The following PLCB3 variants were observed in gnomAD, a reference collection of about 807,000 sequenced individuals.
PLCB3 encodes 1-phosphatidylinositol 4,5-bisphosphate phosphodiesterase beta-3.
PLCB3 carries 54 observed loss-of-function variants against 152.1 expected under a neutral mutation model. The ratio of observed to expected loss-of-function variants is 0.36; its 90% CI spans 0.29 to 0.45. The LOEUF (loss-of-function observed/expected upper bound fraction) is 0.45. Ranked by LOEUF, PLCB3 falls within the 20% of genes least tolerant of loss-of-function variation. PLCB3 has a pLI of 1.00. For synonymous variants in PLCB3, 717 were observed against 698.7 expected, an observed-to-expected ratio of 1.03 and a Z score of -0.41; for missense variants, 1,248 against 1,687.5, an observed-to-expected ratio of 0.74 and a Z score of 4.56.
At chr11:64,259,340 C>T in intron 13 of PLCB3, 96 bp downstream of exon 13, 1 of 1,043,328 alleles carries the variant, frequency 9.6e-7, no homozygotes, top group Non-Finnish European at 1.3e-6. Context: ...CCCAGCCCAC[C>T]CTCCTGCCTC....
At chr11:64,254,681 A>G in intron 2 of PLCB3, 67 bp from the exon 3 acceptor site, 1 of 1,548,082 alleles carries the variant, frequency 6.5e-7, no homozygotes, top group Admixed American at 1.7e-5. Flanking sequence ...CTGGGTAGAG[A>G]GCTTGGAAGC....
Position 64,260,253 on chromosome 11 carries a change from G to T in PLCB3, c.1731+19G>T. On this transcript the variant is annotated intron_variant, in intron 14 of 30. Transcript: ENST00000279230. ...AGATGAGGTCAGGCCCACAGGGTGG[G>T]CAGGTCGGGGAGGTAGCATCTATTT... 2 of 1,537,152 alleles carry T rather than the reference G, an allele frequency of 1.3e-6. No individual in the cohort carries two copies. The highest frequency in any genetic ancestry group is 8.8e-7 in the Non-Finnish European group (1 of 1,137,720).
intron 20 of PLCB3, 39 bp downstream of exon 20, chr11:64,263,636 T>G (rs2031966280): frequency 2.5e-6 from 4 of 1,604,722 alleles, no homozygotes; most frequent in Non-Finnish European, 3.4e-6. Flanking sequence ...CAGCGGGCAG[T>G]GGGTAGGGCC....
chr11:64,262,955 T>C (rs2031929912), intron 19 of PLCB3, 147 bp downstream of exon 19: 2 of 762,606 alleles, frequency 2.6e-6, no homozygotes, highest in Admixed American at 2.4e-5. Context: ...AGGACCTGCC[T>C]GTCCGAGCGT....
chr11:64,254,561 G>T (rs1318726771), intron 2 of PLCB3, 69 bp downstream of exon 2: 2 of 1,495,876 alleles, frequency 1.3e-6, no homozygotes, highest in Non-Finnish European at 9.3e-7. Flanking sequence ...CCCTGCCCGT[G>T]GGGGTGGGGC....
chr11:64,256,549 T>G lies in PLCB3; in HGVS notation c.865+7T>G, dbSNP rs765263884. The G allele has an allele frequency of 6.2e-7, 1 of 1,613,480 alleles. No homozygotes were observed. Among genetic ancestry groups the G allele is most frequent in the African/African-American group, 1.3e-5 (1 of 74,928 alleles). On this transcript the variant is annotated splice_region_variant and intron_variant, in intron 9 of 30. Transcript: ENST00000279230. Reference sequence around the variant, plus strand: ...CAGCAGTTTCTGGAGCGAGGTGAGCTGGCTGGGGTGCAGGTGGGTGGGGGC... The same window carrying G: ...CAGCAGTTTCTGGAGCGAGGTGAGCGGGCTGGGGTGCAGGTGGGTGGGGGC...
intron 19 of PLCB3, 131 bp from the exon 20 acceptor site, chr11:64,263,367 G>C (rs1016344593): frequency 6.4e-6 from 4 of 622,584 alleles, no homozygotes; most frequent in African/African-American, 5.5e-5. Context: ...TGGCAATGGT[G>C]ACTGATGGTC....
intron 16 of PLCB3, 95 bp downstream of exon 16, chr11:64,261,760 G>A: frequency 7.0e-7 from 1 of 1,424,316 alleles, no homozygotes; most frequent in Non-Finnish European, 9.9e-7. Context: ...CCTGCACAGG[G>A]TGCTGGCCCT....
In PLCB3 at chr11:64,256,621, A is replaced by G; in HGVS notation, c.869A>G (p.Gln290Arg). The change falls in exon 10 of 31, where the codon CAG (glutamine) becomes CGG (arginine). Residue 290 changes from glutamine (Q) to arginine (R), a missense_variant. Coordinates refer to ENST00000279230, the MANE Select transcript of PLCB3 (RefSeq NM_000932.5). ...EPNQQFLERD[Q>R]MSMEGFSRYL... ...TGCTGATCCTCTCCCACCCCAGACC[A>G]GATGTCCATGGAGGGCTTTAGCCGC... 6.2e-7 allele frequency: 1 copy of G among 1,614,144 alleles called. No homozygotes were observed. The highest frequency in any genetic ancestry group is 1.1e-5 in the South Asian group (1 of 91,090).
In PLCB3 at chr11:64,264,827, T is replaced by C. The variant is rs1487983862; in HGVS notation, c.2653-124T>C. 1.5e-4 allele frequency: 130 copies of C among 846,354 alleles called. 1 individual carries two copies. Among genetic ancestry groups the C allele is most frequent in the Non-Finnish European group, 2.5e-4 (125 of 500,556 alleles). The allele number at this position is 846,354 out of a possible 1,614,324, so 52.4% of individuals were successfully genotyped here. A position where few individuals can be genotyped will look rare whatever the true frequency, so the allele number is the denominator to read the frequency against. ...CAGACAGCCTCCTGTTACAGAGCAGTCCAGCAGTGGCTTGGACTAAGGGAG... is the reference window on the plus strand; with the variant it reads ...CAGACAGCCTCCTGTTACAGAGCAGCCCAGCAGTGGCTTGGACTAAGGGAG... On this transcript the variant is annotated intron_variant, in intron 22 of 30. Transcript: ENST00000279230.
intron 19 of PLCB3, 55 bp from the exon 20 acceptor site, chr11:64,263,443 G>A (rs1473335802): frequency 2.7e-6 from 3 of 1,131,140 alleles, no homozygotes; most frequent in Admixed American, 4.3e-5. Flanking sequence ...CTGTGGCCTG[G>A]TAGCCACAGT....
chr11:64,264,049 T>G lies in PLCB3; in HGVS notation c.2589T>G (p.Ile863Met). The G allele has an allele frequency of 6.4e-7, 1 of 1,571,924 alleles. No homozygotes were observed. Among genetic ancestry groups the G allele is most frequent in the Non-Finnish European group, 8.6e-7 (1 of 1,160,188 alleles). Residue 863 changes from isoleucine (I) to methionine (M), a missense_variant, in exon 22 of 31, where the codon ATT (isoleucine) becomes ATG (methionine). This residue lies in a region of PLCB3 where 244 missense variants were observed against 424.4 expected (regional missense o/e 0.57). Transcript: ENST00000279230. ...QDYAEALINP[I>M]KHVSLMDQRA... The stretch of plus-strand genomic sequence containing the variant: ...ATGCGGAGGCCCTGATCAACCCCAT[T>G]AAGCACGTCAGCCTGATGGACCAGA...
chr11:64,261,480 C>T lies in PLCB3; in HGVS notation c.1812C>T (p.Ser604=), dbSNP rs199625600. 1 of 1,614,018 alleles carries T rather than the reference C, an allele frequency of 6.2e-7. No homozygotes were observed. The highest frequency in any genetic ancestry group is 1.1e-5 in the South Asian group (1 of 91,080). The change falls in exon 15 of 31, where the codon TCC becomes TCT. Residue 604 remains serine (S), a synonymous_variant. Transcript: ENST00000279230. ...VNYIEPVKFK[S]FEAARKRNKC... is the part of the protein sequence containing the mutation. Reference sequence around the variant, plus strand: ...ACATCGAACCTGTCAAGTTCAAGTCCTTTGAGGCTGCTCGAAGTGAGTGGG... The same window carrying T: ...ACATCGAACCTGTCAAGTTCAAGTCTTTTGAGGCTGCTCGAAGTGAGTGGG...
At chr11:64,261,689 C>A (rs190445122) in intron 16 of PLCB3, 24 bp downstream of exon 16, 3 of 1,598,426 alleles carry the variant, frequency 1.9e-6, no homozygotes, top group East Asian at 4.5e-5. Flanking sequence ...GTGCTGTGGG[C>A]GGGCAGGCCA....
chr11:64,265,427 C>T lies in PLCB3; in HGVS notation c.2960C>T (p.Thr987Ile). The T allele has an allele frequency of 6.2e-7, 1 of 1,611,426 alleles. No individual in the cohort carries two copies. The highest frequency in any genetic ancestry group is 8.5e-7 in the Non-Finnish European group (1 of 1,179,852). Residue 987 changes from threonine to isoleucine, a missense_variant, in exon 25 of 31, where the codon ACC becomes ATC. By Grantham distance (89) the Thr-to-Ile change is moderately conservative. Coordinates refer to ENST00000279230, the MANE Select transcript of PLCB3 (RefSeq NM_000932.5). ...AAGAAGCATCAGCGGAAGGCAGTCA[C>T]CCTCACCCGCCGCCTGCTGGATGGC... is the stretch of plus-strand genomic sequence containing the variant. ...LRKKHQRKAVTLTRRLLDGLA... is the reference protein window; with the variant it reads ...LRKKHQRKAVILTRRLLDGLA...
intron 10 of PLCB3, among the ~76,000 whole-genome samples, chr11:64,257,021 TGAGA>T (rs2031575294): frequency 8.0e-6 from 1 of 124,322 alleles, no homozygotes; most frequent in Non-Finnish European, 1.6e-5. Flanking sequence ...TTTTTTTTTT[TGAGA>T]CAGAGTTTCG....
In PLCB3 at chr11:64,258,926, T is replaced by C; in HGVS notation, c.1295T>C (p.Ile432Thr). The C allele has an allele frequency of 6.2e-7, 1 of 1,613,848 alleles. No homozygotes were observed. Among genetic ancestry groups the C allele is most frequent in the Non-Finnish European group, 8.5e-7 (1 of 1,179,956 alleles). Residue 432 changes from isoleucine to threonine, a missense_variant, in exon 12 of 31, where the codon ATC (isoleucine) becomes ACC (threonine). Physicochemically the swap from Ile to Thr is moderately conservative, Grantham distance 89. Coordinates refer to ENST00000279230, the MANE Select transcript of PLCB3 (RefSeq NM_000932.5). This position sits in a 1 kb window ranked among gnomAD's most constrained non-coding sequence, Gnocchi z 7.2. The part of the protein sequence containing the change: ...QAKMAEYCRS[I>T]FGDALLIEPL... ...AAGATGGCTGAGTACTGCCGCTCCA[T>C]CTTTGGAGACGCGCTACTCATCGAG...
intron 22 of PLCB3, among the ~76,000 whole-genome samples, chr11:64,264,728 G>A (rs1353146934): frequency 6.6e-6 from 1 of 152,138 alleles, no homozygotes; most frequent in Non-Finnish European, 1.5e-5. Flanking sequence ...GCAGTGGGCT[G>A]GCATTATGTT....
chr11:64,264,638 G>A (rs1418559506), intron 22 of PLCB3, among the ~76,000 whole-genome samples: 2 of 152,192 alleles, frequency 1.3e-5, no homozygotes, highest in Non-Finnish European at 1.5e-5. Flanking sequence ...GGCAAGGCTG[G>A]GGGACACAGG....
Sources: gnomAD v4.1 joint callset for allele counts (sites outside exome capture counted in the v4.1 genomes callset) on GRCh38, gnomAD v4.1.1 for gene constraint, gnomAD v4.1.1 regional missense constraint, Gnocchi (gnomAD v3.1) non-coding constraint, MANE v1.5 for transcripts, NCBI Gene and HGNC (gene_info 2026-07-23, HGNC 2026-07-21) for gene names.